Variants in CLYBL observed in about 807,000 individuals in gnomAD.
CLYBL encodes citramalyl-CoA lyase, also known as citramalyl-CoA lyase, mitochondrial.
Under a neutral mutation model 38.9 loss-of-function variants are expected in CLYBL, and 31 were observed. That is an observed-to-expected ratio of 0.80 (90% CI 0.60 to 1.08). The LOEUF is 1.08. CLYBL is among the 50% of genes least tolerant of loss of function. The probability of loss-of-function intolerance (pLI) is 0.00; values close to 1 mark genes in which losing one functional copy is unlikely to be tolerated. For missense variants in CLYBL, 434 were observed against 411.6 expected, an observed-to-expected ratio of 1.05 and a Z score of -0.47; for synonymous variants, 171 against 158.6, an observed-to-expected ratio of 1.08 and a Z score of -0.59.
At chr13:99,676,186 G>GTCGT (rs1555351229) in intron 1 of CLYBL, among the ~76,000 whole-genome samples, 32 of 132,994 alleles carry the variant, frequency 2.4e-4, no homozygotes, top group Non-Finnish European at 6.4e-5. Flanking sequence ...CCCTCCGTCC[G>GTCGT]TCCTTCCTTC....
intron 1 of CLYBL, among the ~76,000 whole-genome samples, chr13:99,612,864 A>T (rs2139176800): frequency 6.6e-6 from 1 of 151,924 alleles, no homozygotes; most frequent in South Asian, 2.1e-4. Context: ...AAATTTTAAA[A>T]GTTAGCTGGA....
intron 1 of CLYBL, among the ~76,000 whole-genome samples, chr13:99,744,506 G>A (rs1308263551): frequency 1.3e-5 from 2 of 152,154 alleles, no homozygotes; most frequent in Non-Finnish European, 2.9e-5. Context: ...CCAGCAGTCT[G>A]CAGGGTTCTT....
intron 1 of CLYBL, among the ~76,000 whole-genome samples, chr13:99,747,026 G>A (rs1474139253): frequency 6.6e-6 from 1 of 151,970 alleles, no homozygotes; most frequent in Non-Finnish European, 1.5e-5. Flanking sequence ...TCGGAGTCAC[G>A]GCAGGAAAAA....
At chr13:99,794,081 CA>C (rs1446524870) in intron 2 of CLYBL, among the ~76,000 whole-genome samples, 1 of 152,136 alleles carries the variant, frequency 6.6e-6, no homozygotes, top group African/African-American at 2.4e-5. Flanking sequence ...GTGATTTTTA[CA>C]AAATAAATTT....
chr13:99,814,743 AAAG>A (rs2050409926), intron 2 of CLYBL, among the ~76,000 whole-genome samples: 1 of 150,708 alleles, frequency 6.6e-6, no homozygotes, highest in African/African-American at 2.4e-5. Context: ...AAAAAAAAAA[AAAG>A]GAGTCTGGGC....
chr13:99,663,178 A>G (rs936497397), intron 1 of CLYBL, among the ~76,000 whole-genome samples: 1 of 152,218 alleles, frequency 6.6e-6, no homozygotes, highest in Non-Finnish European at 1.5e-5. Flanking sequence ...CCCGAGGGGA[A>G]TACTTTCTTC....
intron 1 of CLYBL, among the ~76,000 whole-genome samples, chr13:99,619,016 G>A (rs965193539): frequency 6.6e-6 from 1 of 152,188 alleles, no homozygotes; most frequent in Non-Finnish European, 1.5e-5. Context: ...TCTATGTGGA[G>A]CACAGAAATG....
chr13:99,668,085 G>A (rs2047509281), intron 1 of CLYBL, among the ~76,000 whole-genome samples: 1 of 151,776 alleles, frequency 6.6e-6, no homozygotes, highest in Non-Finnish European at 1.5e-5. Context: ...AACAGCCTGG[G>A]CAACATGGTG....
intron 2 of CLYBL, among the ~76,000 whole-genome samples, chr13:99,825,353 G>A (rs2050674996): frequency 6.6e-6 from 1 of 152,106 alleles, no homozygotes; most frequent in Non-Finnish European, 1.5e-5. Context: ...GTTGCTACAA[G>A]GATAAAAACC....
intron 1 of CLYBL, among the ~76,000 whole-genome samples, chr13:99,607,737 C>A (rs1213714420): frequency 6.6e-6 from 1 of 152,090 alleles, no homozygotes; most frequent in Non-Finnish European, 1.5e-5. Flanking sequence ...TCTGGAACTT[C>A]TTTATTTATT....
rs1159210239 is a variant in CLYBL at position 99,606,718 on chromosome 13, G to GGGCGGCGCGCGGAGCTGCGGC, written c.32_52dup (p.Arg11_Ala17dup). 4.0e-6 allele frequency: 6 copies of GGGCGGCGCGCGGAGCTGCGGC among 1,493,410 alleles called. No homozygotes were observed. The highest frequency in any genetic ancestry group is 3.5e-6 in the Non-Finnish European group (4 of 1,128,160). The allele number at this position is 1,493,410 out of a possible 1,614,324, so 92.5% of individuals were successfully genotyped here. ...AAGATGGCGCTACGTCTGCTGCGGA[G>GGGCGGCGCGCGGAGCTGCGGC]GGCGGCGCGCGGAGCTGCGGCGGCG... On this transcript the variant is annotated inframe_insertion, in exon 1 of 9. Transcript: ENST00000339105.
intron 3 of CLYBL, 102 bp downstream of exon 3, chr13:99,859,151 G>A: frequency 2.4e-6 from 2 of 821,602 alleles, no homozygotes; most frequent in Admixed American, 6.3e-5. Flanking sequence ...CATGCAGAGA[G>A]CAGAGAGGAA....
intron 2 of CLYBL, among the ~76,000 whole-genome samples, chr13:99,858,320 T>G (rs1183819063): frequency 6.6e-6 from 1 of 152,210 alleles, no homozygotes; most frequent in Non-Finnish European, 1.5e-5. Context: ...ATCTTCTTAA[T>G]TGAATGTCAA....
chr13:99,795,427 G>A (rs1566330239), intron 2 of CLYBL, among the ~76,000 whole-genome samples: 1 of 152,132 alleles, frequency 6.6e-6, no homozygotes. Flanking sequence ...GCTGAGGAGG[G>A]AGGATCACTT....
intron 1 of CLYBL, among the ~76,000 whole-genome samples, chr13:99,654,930 G>A (rs1468905852): frequency 7.9e-5 from 12 of 151,752 alleles, no homozygotes; most frequent in Admixed American, 3.9e-4. Context: ...GCTTGAACCC[G>A]GGAGGCAGAG....
chr13:99,680,321 T>G (rs765638981), intron 1 of CLYBL, among the ~76,000 whole-genome samples: 6 of 152,222 alleles, frequency 3.9e-5, no homozygotes, highest in Admixed American at 1.3e-4. Context: ...CGTACTCCAA[T>G]TTTCCTAGAT....
intron 1 of CLYBL, among the ~76,000 whole-genome samples, chr13:99,686,512 C>CAGAGAGAGAGAGAGAG (rs34750084): frequency 2.7e-5 from 4 of 150,104 alleles, no homozygotes; most frequent in African/African-American, 9.8e-5. Context: ...TTTGTTTCAA[C>CAGAGAGAGAGAGAGAG]AGAGAGAGAG....
intron 1 of CLYBL, among the ~76,000 whole-genome samples, chr13:99,607,302 T>TA (rs1452654879): frequency 1.6e-5 from 2 of 122,132 alleles, no homozygotes; most frequent in Non-Finnish European, 3.4e-5. Flanking sequence ...GCATAACTTC[T>TA]CAAAAAAAAA....
At chr13:99,871,733 C>T (rs1247598468) in intron 7 of CLYBL, among the ~76,000 whole-genome samples, 2 of 152,082 alleles carry the variant, frequency 1.3e-5, no homozygotes, top group Non-Finnish European at 2.9e-5. Flanking sequence ...AATTAGGTGT[C>T]GCCTGAAGGA....
Sources: gnomAD v4.1 joint callset for allele counts (sites outside exome capture counted in the v4.1 genomes callset) on GRCh38, gnomAD v4.1.1 for gene constraint, MANE v1.5 for transcripts, NCBI Gene and HGNC (gene_info 2026-07-23, HGNC 2026-07-21) for gene names.